Variants in PRUNE2 observed in about 807,000 individuals in gnomAD.
The protein encoded by PRUNE2 is prune homolog 2 with BCH domain.
A neutral mutation model predicts 252.0 loss-of-function variants in PRUNE2; 164 were observed. The observed-to-expected ratio is 0.65, with a 90% CI of 0.57 to 0.74. The LOEUF is 0.74. Ranked by LOEUF, PRUNE2 falls within the 30% of genes least tolerant of loss-of-function variation. The pLI is 0.00. For missense variants in PRUNE2, 3,495 were observed against 3,711.0 expected (o/e 0.94, Z 1.51); for synonymous variants, 1,292 against 1,350.2 (o/e 0.96, Z 0.94).
intron 1 of PRUNE2, among the ~76,000 whole-genome samples, chr9:76,860,222 G>A (rs1240083652): frequency 6.6e-6 from 1 of 152,218 alleles, no homozygotes; most frequent in Non-Finnish European, 1.5e-5. Flanking sequence ...CAATAGTGAT[G>A]TTATCTGTAG....
At chr9:76,854,900 T>TA in intron 1 of PRUNE2, among the ~76,000 whole-genome samples, 1 of 151,062 alleles carries the variant, frequency 6.6e-6, no homozygotes, top group Admixed American at 6.6e-5. Context: ...CCATGTCTAC[T>TA]AAAAAATAAA....
At chr9:76,816,292 C>T (rs1439853571) in intron 6 of PRUNE2, among the ~76,000 whole-genome samples, 1 of 152,062 alleles carries the variant, frequency 6.6e-6, no homozygotes, top group African/African-American at 2.4e-5. Flanking sequence ...TTATCAGCTT[C>T]AGCCACTTAG....
At chr9:76,875,345 G>A (rs1432061747) in intron 1 of PRUNE2, among the ~76,000 whole-genome samples, 1 of 151,790 alleles carries the variant, frequency 6.6e-6, no homozygotes, top group Non-Finnish European at 1.5e-5. Context: ...CAACTTGAGG[G>A]CTAGCTCTGT....
chr9:76,644,812 C>T lies in PRUNE2; in HGVS notation c.8655G>A (p.Val2885=), dbSNP rs760698065. Residue 2885 remains valine, a synonymous_variant, in exon 12 of 19, where the codon GTG becomes GTA. Transcript: ENST00000376718. The part of the protein sequence containing the change: ...EREDNRLWRT[V]VIGEQEQRID... ...TGCGCTGCTCTTGTTCTCCAATGAC[C>T]ACTGTCCTCCAAAGCCGGTTGTCCT... The T allele has an allele frequency of 1.2e-6, 2 of 1,613,956 alleles. No homozygotes were observed. Among genetic ancestry groups the T allele is most frequent in the Admixed American group, 3.3e-5 (2 of 60,008 alleles).
chr9:76,752,299 G>A (rs1053768451), intron 6 of PRUNE2, among the ~76,000 whole-genome samples: 6 of 151,982 alleles, frequency 3.9e-5, no homozygotes, highest in Non-Finnish European at 7.4e-5. Flanking sequence ...GGGTTTCACC[G>A]TGTTAGCCAG....
At chr9:76,714,690 C>T (rs544812913) in intron 6 of PRUNE2, among the ~76,000 whole-genome samples, 20 of 152,320 alleles carry the variant, frequency 1.3e-4, no homozygotes, top group African/African-American at 4.3e-4. Context: ...AGACCGCACC[C>T]GGTCCGGTCT....
At chr9:76,824,371 A>G (rs1407626014) in intron 5 of PRUNE2, among the ~76,000 whole-genome samples, 1 of 152,242 alleles carries the variant, frequency 6.6e-6, no homozygotes, top group Non-Finnish European at 1.5e-5. Flanking sequence ...ACTGGCTTTC[A>G]GGCTGCATTT....
intron 6 of PRUNE2, chr9:76,760,107 T>C (rs1331617631): frequency 6.6e-6 from 1 of 152,280 alleles, no homozygotes; most frequent in Admixed American, 6.5e-5. Context: ...AGCTTGTCCA[T>C]TGGCTCTAAT....
At chr9:76,826,557 G>T in intron 5 of PRUNE2, 23 bp downstream of exon 5, 1 of 1,535,786 alleles carries the variant, frequency 6.5e-7, no homozygotes, top group Non-Finnish European at 8.8e-7. Flanking sequence ...AGGGACAAGA[G>T]AGCTGGGGAC....
In PRUNE2 at chr9:76,619,339, C is replaced by A; in HGVS notation, c.9236+1G>T. 6.3e-7 allele frequency: 1 copy of A among 1,593,846 alleles called. No individual in the cohort carries two copies. On this transcript the variant is annotated splice_donor_variant, in intron 18 of 18. Transcript: ENST00000376718. LOFTEE classifies it high-confidence loss of function. Reference sequence around the variant, plus strand: ...AGCTGTTATTGATGGTGAATTCTTACTCCTTCTCCATAGAAGACATTTCTG... The same window carrying A: ...AGCTGTTATTGATGGTGAATTCTTAATCCTTCTCCATAGAAGACATTTCTG...
At chr9:76,831,237 C>T (rs1409173952) in intron 4 of PRUNE2, among the ~76,000 whole-genome samples, 1 of 151,328 alleles carries the variant, frequency 6.6e-6, no homozygotes, top group Non-Finnish European at 1.5e-5. Context: ...CCAACAAATT[C>T]TAAAAGAAGG....
intron 6 of PRUNE2, among the ~76,000 whole-genome samples, chr9:76,794,631 GA>G (rs35693355): frequency 0.1 from 14,899 of 142,744 alleles, 1,435 homozygotes; most frequent in African/African-American, 0.24. Flanking sequence ...AAAAAAAAAA[GA>G]AAAGAAAAGA....
intron 6 of PRUNE2, among the ~76,000 whole-genome samples, chr9:76,732,085 C>T (rs903742160): frequency 6.6e-6 from 1 of 152,094 alleles, no homozygotes; most frequent in African/African-American, 2.4e-5. Flanking sequence ...AAGGCCGAGG[C>T]GGGTGGATCA....
At chr9:76,645,052 A>G (rs1844231959) in intron 11 of PRUNE2, 143 bp from the exon 12 acceptor site, 4 of 700,810 alleles carry the variant, frequency 5.7e-6, no homozygotes, top group Non-Finnish European at 9.5e-6. Context: ...ACCTGATCAA[A>G]GTCCTTGTTT....
At chr9:76,865,554 C>T (rs984328387) in intron 1 of PRUNE2, among the ~76,000 whole-genome samples, 2 of 152,160 alleles carry the variant, frequency 1.3e-5, no homozygotes, top group Non-Finnish European at 2.9e-5. Flanking sequence ...AGGCAGCGTG[C>T]TGCACACAGG....
rs555020628 is a variant in PRUNE2, at chr9:76,757,726, C to T, written c.757-44005G>A. On this transcript the variant is annotated intron_variant, in intron 6 of 18. Coordinates refer to ENST00000376718, the MANE Select transcript of PRUNE2 (RefSeq NM_015225.3). ...CCTGTAACTCCAGCATTTTGGGAAG[C>T]AGAGGCAGGGAATCACTCGAGACCA... Among the ~76,000 whole-genome samples the T allele has an allele frequency of 5.3e-5, 8 of 152,190 alleles. No homozygotes were observed. In the East Asian group the frequency reaches 7.7e-4, roughly 15 times the overall value.
chr9:76,846,576 T>C lies in PRUNE2; in HGVS notation c.447A>G (p.Leu149=), dbSNP rs762417878. Residue 149 remains leucine, a synonymous_variant, in exon 4 of 19, where the codon CTA becomes CTG. Coordinates refer to ENST00000376718, the MANE Select transcript of PRUNE2 (RefSeq NM_015225.3). ...CAGGAGCCTCTTGGAGAATCTCCTT[T>C]AGCACGAGAGAAGAGGAAGACTCTC... is the stretch of plus-strand genomic sequence containing the variant. The part of the protein sequence containing the change: ...EFRESSSSLV[L]KEILQEAPEL... 4 of 1,614,144 alleles carry C rather than the reference T, an allele frequency of 2.5e-6. No homozygotes were observed. The highest frequency in any genetic ancestry group is 3.3e-5 in the Admixed American group (2 of 60,016).
At chr9:76,899,907 C>A (rs1430038706) in intron 1 of PRUNE2, among the ~76,000 whole-genome samples, 1 of 152,116 alleles carries the variant, frequency 6.6e-6, no homozygotes, top group Non-Finnish European at 1.5e-5. Flanking sequence ...CAGATCAGGT[C>A]ATACGAAAAG....
At position 76,715,906 on chromosome 9, in the gene PRUNE2, CAACT is replaced by C. The variant is rs148846814; in HGVS notation, c.757-2189_757-2186del. Reference sequence around the variant, plus strand: ...CCCTGAAAAAAATAAAAAGAGACTACAACTAACTACAACTTATTTCCAGTAACTG... The same window carrying C: ...CCCTGAAAAAAATAAAAAGAGACTACAACTACAACTTATTTCCAGTAACTG... On this transcript the variant is annotated intron_variant, in intron 6 of 18. Transcript: ENST00000376718. 2.0e-3 allele frequency among the ~76,000 whole-genome samples: 299 copies of C among 152,260 alleles called. 2 individuals carry two copies. Among genetic ancestry groups the C allele is most frequent in the African/African-American group, 6.9e-3 (285 of 41,554 alleles).
Sources: allele counts gnomAD v4.1 joint callset (sites outside exome capture counted in the v4.1 genomes callset), GRCh38; gene constraint gnomAD v4.1.1; transcripts MANE v1.5; gene names NCBI Gene and HGNC (gene_info 2026-07-23, HGNC 2026-07-21).